ATP8A2: variants seen among roughly 807,000 people sequenced by gnomAD.
ATP8A2 encodes ATPase phospholipid transporting 8A2.
A neutral mutation model predicts 165.6 loss-of-function variants in ATP8A2; 100 were observed. The ratio of observed to expected loss-of-function variants is 0.60; its 90% confidence interval spans 0.51 to 0.71. The LOEUF is 0.71. ATP8A2 is among the 30% of genes least tolerant of loss of function. ATP8A2 has a pLI of 0.00. For missense variants in ATP8A2, 1,227 were observed against 1,479.5 expected (o/e 0.83, Z 2.80); for synonymous variants, 543 against 548.8 (o/e 0.99, Z 0.15).
intron 24 of ATP8A2, among the ~76,000 whole-genome samples, chr13:25,601,168 T>C (rs1453632153): frequency 5.9e-5 from 9 of 152,210 alleles, no homozygotes; most frequent in Admixed American, 5.9e-4. Context: ...GTGAAACTCC[T>C]GCTTTCTGTA....
rs558856491 is a variant in ATP8A2 at position 25,566,644 on chromosome 13, G to A, written c.1473+2613G>A. Among the ~76,000 whole-genome samples the A allele has an allele frequency of 1.8e-4, 27 of 152,310 alleles. 1 individual carries two copies. The highest frequency in any genetic ancestry group is 8.3e-4 in the South Asian group (4 of 4,818). On this transcript the variant is annotated intron_variant, in intron 16 of 36. Transcript: ENST00000381655. Reference sequence around the variant, plus strand: ...TAGCAAAGGAAATAAGATGAGCAGCGTGTATGGAACATCACAGAATTCCAG... The same window carrying A: ...TAGCAAAGGAAATAAGATGAGCAGCATGTATGGAACATCACAGAATTCCAG...
chr13:25,562,082 C>T (rs545229047), intron 15 of ATP8A2, among the ~76,000 whole-genome samples: 16 of 152,248 alleles, frequency 1.1e-4, no homozygotes, highest in African/African-American at 3.9e-4. Flanking sequence ...CTGTGAACAT[C>T]GACATACAGG....
At chr13:25,942,228 T>C (rs980998957) in intron 33 of ATP8A2, among the ~76,000 whole-genome samples, 9 of 152,208 alleles carry the variant, frequency 5.9e-5, no homozygotes, top group Non-Finnish European at 8.8e-5. Context: ...TTCCTTTTTT[T>C]CCCTACAGTT....
intron 15 of ATP8A2, among the ~76,000 whole-genome samples, chr13:25,561,297 C>G (rs1488616242): frequency 6.6e-6 from 1 of 152,114 alleles, no homozygotes; most frequent in Admixed American, 6.5e-5. Flanking sequence ...CTCTGCATCT[C>G]TTGATAGTCA....
At chr13:25,604,449 T>C (rs1362842534) in intron 24 of ATP8A2, among the ~76,000 whole-genome samples, 3 of 152,186 alleles carry the variant, frequency 2.0e-5, no homozygotes, top group African/African-American at 7.2e-5. Flanking sequence ...CTGAAACTTC[T>C]TGTAGGTCTT....
chr13:25,546,501 C>A (rs539862515), intron 10 of ATP8A2, among the ~76,000 whole-genome samples: 2 of 146,114 alleles, frequency 1.4e-5, no homozygotes, highest in Admixed American at 6.9e-5. Flanking sequence ...CAATTGCTGT[C>A]GGGTTCTTCT....
At chr13:25,724,640 T>G (rs2043454913) in intron 25 of ATP8A2, among the ~76,000 whole-genome samples, 1 of 152,230 alleles carries the variant, frequency 6.6e-6, no homozygotes, top group Admixed American at 6.5e-5. Context: ...TTGACTTCTT[T>G]GGGCTCCACA....
intron 2 of ATP8A2, among the ~76,000 whole-genome samples, chr13:25,497,264 A>T (rs1477302925): frequency 6.6e-6 from 1 of 152,218 alleles, no homozygotes; most frequent in Admixed American, 6.5e-5. Flanking sequence ...TGAAATTTGT[A>T]GGCTTCATAT....
rs1386831736 is a variant in ATP8A2, at chr13:25,750,341, C to G, written c.2385-18705C>G. Among the ~76,000 whole-genome samples the G allele has an allele frequency of 6.6e-6, 1 of 152,208 alleles. No individual in the cohort carries two copies. Among genetic ancestry groups the G allele is most frequent in the Non-Finnish European group, 1.5e-5 (1 of 68,038 alleles). ...TGTGTAGTTACCAAAGCCAGGAACACGGGCCCTAACTGTGGGCAGTTTCCC... is the reference window on the plus strand; with the variant it reads ...TGTGTAGTTACCAAAGCCAGGAACAGGGGCCCTAACTGTGGGCAGTTTCCC... On this transcript the variant is annotated intron_variant, in intron 25 of 36. Transcript: ENST00000381655. This position sits in a 1 kb window ranked among gnomAD's most constrained non-coding sequence, Gnocchi z 4.3.
chr13:25,551,218 G>T, intron 10 of ATP8A2, 120 bp from the exon 11 acceptor site: 1 of 931,484 alleles, frequency 1.1e-6, no homozygotes. Context: ...TTGATTATTT[G>T]GCAAAAAAAT....
rs112829843 is a variant in ATP8A2 at position 25,932,048 on chromosome 13, CA to C, written c.3184-29513del. On this transcript the variant is annotated intron_variant, in intron 33 of 36. Coordinates refer to ENST00000381655, the MANE Select transcript of ATP8A2 (RefSeq NM_016529.6). ...GGGTGACAAGAGTGAAACTCCATCT[CA>C]AAAAAAAAAAAAAGAAAGAAAGAAA... is the stretch of plus-strand genomic sequence containing the variant. Among the ~76,000 whole-genome samples the C allele has an allele frequency of 5.5e-3, 691 of 125,080 alleles. 4 individuals are homozygous for C. The highest frequency in any genetic ancestry group is 0.015 in the South Asian group (58 of 3,840). 82.1% of individuals were successfully genotyped at this position (125,080 alleles called of 152,430 possible).
intron 25 of ATP8A2, among the ~76,000 whole-genome samples, chr13:25,700,487 C>A (rs2042928679): frequency 6.6e-6 from 1 of 152,192 alleles, no homozygotes; most frequent in Non-Finnish European, 1.5e-5. Flanking sequence ...CTCTAATTAG[C>A]CTGTTCTTTT....
intron 35 of ATP8A2, among the ~76,000 whole-genome samples, chr13:25,991,266 A>G (rs1163304791): frequency 1.3e-5 from 2 of 152,220 alleles, no homozygotes; most frequent in African/African-American, 4.8e-5. Context: ...TTTAATTTAA[A>G]CTTTTTATTT....
chr13:25,717,862 A>G (rs187893921), intron 25 of ATP8A2, among the ~76,000 whole-genome samples: 3 of 152,326 alleles, frequency 2.0e-5, no homozygotes, highest in African/African-American at 4.8e-5. Context: ...TACCTAATGC[A>G]CACAGATTGG....
intron 25 of ATP8A2, among the ~76,000 whole-genome samples, chr13:25,766,281 A>G (rs1417082790): frequency 6.6e-6 from 1 of 152,246 alleles, no homozygotes; most frequent in Non-Finnish European, 1.5e-5. Flanking sequence ...CCAAAAGGAA[A>G]ACTTAAGTTT....
intron 28 of ATP8A2, among the ~76,000 whole-genome samples, chr13:25,829,723 A>G (rs1951416860): frequency 1.3e-5 from 1 of 74,810 alleles, no homozygotes; most frequent in East Asian, 4.1e-4. Flanking sequence ...TATATATATC[A>G]CCTGCTTATA....
chr13:25,650,019 T>C (rs1407482576), intron 24 of ATP8A2, among the ~76,000 whole-genome samples: 1 of 152,198 alleles, frequency 6.6e-6, no homozygotes, highest in Non-Finnish European at 1.5e-5. Context: ...GTGGACTTCC[T>C]AAGAAGCATC....
intron 2 of ATP8A2, among the ~76,000 whole-genome samples, chr13:25,519,547 A>G (rs2037592622): frequency 6.6e-6 from 1 of 151,956 alleles, no homozygotes; most frequent in South Asian, 2.1e-4. Context: ...TTTTTGATAA[A>G]TCCCGGTCAT....
At chr13:25,412,836 G>C (rs754072224) in intron 1 of ATP8A2, among the ~76,000 whole-genome samples, 3 of 152,078 alleles carry the variant, frequency 2.0e-5, no homozygotes, top group East Asian at 3.9e-4. Context: ...TTTTTTTTGG[G>C]GGGGGATGGA....
Sources: gnomAD v4.1 joint callset for allele counts (sites outside exome capture counted in the v4.1 genomes callset) on GRCh38, gnomAD v4.1.1 for gene constraint, Gnocchi (gnomAD v3.1) non-coding constraint, MANE v1.5 for transcripts, NCBI Gene and HGNC (gene_info 2026-07-23, HGNC 2026-07-21) for gene names.